Variants in UTP15 observed in about 807,000 individuals in gnomAD.
UTP15 encodes U3 small nucleolar RNA-associated protein 15 homolog.
Under a neutral mutation model 59.1 loss-of-function variants are expected in UTP15, and 5 were observed. That is an observed-to-expected ratio of 0.08 (90% CI 0.04 to 0.18). The LOEUF is 0.18. Among genes scored for constraint, UTP15 ranks in the 10% least tolerant of loss-of-function variants. The pLI is 1.00. For synonymous variants in UTP15, 211 were observed against 212.2 expected, an observed-to-expected ratio of 0.99 and a Z score of 0.05; for missense variants, 494 against 616.7, an observed-to-expected ratio of 0.80 and a Z score of 2.11.
rs200202930 is a variant in UTP15 at position 73,579,970 on chromosome 5, G to A, written c.1433G>A (p.Arg478Lys). The A allele has an allele frequency of 2.5e-6, 4 of 1,613,864 alleles. No individual in the cohort carries two copies. The East Asian group carries it at 6.7e-5, about 27-fold the overall frequency. The change falls in exon 13 of 13, where the codon AGA becomes AAA. Residue 478 changes from arginine (R) to lysine (K), a missense_variant. Coordinates refer to ENST00000296792, the MANE Select transcript of UTP15 (RefSeq NM_032175.4). Reference sequence around the variant, plus strand: ...GTAGAAAAAGAGATTGATTACCAAAGAGAATTGTTAGAAACCTTGGGGATG... The same window carrying A: ...GTAGAAAAAGAGATTGATTACCAAAAAGAATTGTTAGAAACCTTGGGGATG... ...GLVEKEIDYQ[R>K]ELLETLGMMD...
At chr5:73,575,125 G>T (rs1339875360) in intron 7 of UTP15, among the ~76,000 whole-genome samples, 1 of 152,156 alleles carries the variant, frequency 6.6e-6, no homozygotes, top group Non-Finnish European at 1.5e-5. Flanking sequence ...TGCAGATGTG[G>T]AACCTGCCAT....
Position 73,582,682 on chromosome 5 carries a change from C to T in UTP15, c.*2588C>T, listed in dbSNP as rs1748357516. 6.6e-6 allele frequency: 1 copy of T among 152,226 alleles called. No homozygotes were observed. The highest frequency in any genetic ancestry group is 2.4e-5 in the African/African-American group (1 of 41,460). The allele number at this position is 152,226 out of a possible 1,614,324, so 9.4% of individuals were successfully genotyped here. On this transcript the variant is annotated 3_prime_UTR_variant, in exon 13 of 13. Transcript: ENST00000296792. ...GGGATTAAAGGCATGAGCCACTGCG[C>T]CCAGCAGGAATGGTTATTATATTCA... is the stretch of plus-strand genomic sequence containing the variant.
At chr5:73,575,703 T>A in intron 7 of UTP15, among the ~76,000 whole-genome samples, 1 of 151,690 alleles carries the variant, frequency 6.6e-6, no homozygotes, top group African/African-American at 2.4e-5. Flanking sequence ...GGCTTTGTGA[T>A]GTGCTTTCAT....
At chr5:73,573,270 CAG>C (rs1421141291) in intron 7 of UTP15, among the ~76,000 whole-genome samples, 6 of 135,418 alleles carry the variant, frequency 4.4e-5, no homozygotes. Flanking sequence ...TTTTTTGAGA[CAG>C]AGTCTTGTTC....
At chr5:73,572,982 G>A (rs563830898) in intron 7 of UTP15, among the ~76,000 whole-genome samples, 6 of 152,006 alleles carry the variant, frequency 3.9e-5, no homozygotes, top group Non-Finnish European at 8.8e-5. Flanking sequence ...ATTTTTAGTA[G>A]AGACGGAGTT....
intron 2 of UTP15, 37 bp downstream of exon 2, chr5:73,567,471 G>A (rs748672076): frequency 1.4e-6 from 2 of 1,466,444 alleles, no homozygotes; most frequent in East Asian, 2.4e-5. Flanking sequence ...AGGGATTTGT[G>A]TTTATGCCAA....
intron 5 of UTP15, among the ~76,000 whole-genome samples, 159 bp downstream of exon 5, chr5:73,569,834 A>G (rs769062639): frequency 1.3e-5 from 2 of 152,010 alleles, no homozygotes; most frequent in African/African-American, 2.4e-5. Flanking sequence ...TTATGTATGT[A>G]TGTTTGCATT....
At chr5:73,579,668 C>T (rs1748238733) in intron 12 of UTP15, among the ~76,000 whole-genome samples, 1 of 152,012 alleles carries the variant, frequency 6.6e-6, no homozygotes, top group African/African-American at 2.4e-5. Flanking sequence ...AGGAACTCCA[C>T]CCTATACTTT....
chr5:73,567,381 C>T lies in UTP15; in HGVS notation c.37C>T (p.Pro13Ser). ...TAAGCCTGTAGCTATTCAGACATATCCTATACTTGGTGAAAAAATCACCCA... is the reference window on the plus strand; with the variant it reads ...TAAGCCTGTAGCTATTCAGACATATTCTATACTTGGTGAAAAAATCACCCA... ...GYKPVAIQTY[P>S]ILGEKITQDT... Residue 13 changes from proline to serine, a missense_variant, in exon 2 of 13, where the codon CCT becomes TCT. Physicochemically the swap from Pro to Ser is moderately conservative, Grantham distance 74 (BLOSUM62 -1). Coordinates refer to ENST00000296792, the MANE Select transcript of UTP15 (RefSeq NM_032175.4). The T allele has an allele frequency of 6.2e-7, 1 of 1,609,542 alleles. No individual in the cohort carries two copies. The highest frequency in any genetic ancestry group is 8.5e-7 in the Non-Finnish European group (1 of 1,177,688).
At chr5:73,565,979 C>A in intron 1 of UTP15, 67 bp downstream of exon 1, 2 of 436,118 alleles carry the variant, frequency 4.6e-6, no homozygotes. Flanking sequence ...GTTAATCTGG[C>A]ATGCTCTTCT....
At position 73,568,560 on chromosome 5, in the gene UTP15, T is replaced by C. The variant is rs1186911805; in HGVS notation, c.324T>C (p.Asp108=). The change falls in exon 4 of 13, where the codon GAT becomes GAC. Residue 108 remains aspartate (D), a synonymous_variant. Coordinates refer to ENST00000296792, the MANE Select transcript of UTP15 (RefSeq NM_032175.4). ...GSEDGGVQLF[D]ISGRAPLRQF... is the part of the protein sequence containing the mutation. ...AAGATGGTGGAGTTCAACTTTTTGA[T>C]ATAAGTGGGAGGGCTCCCCTCAGGC... is the stretch of plus-strand genomic sequence containing the variant. 6.2e-7 allele frequency: 1 copy of C among 1,614,074 alleles called. No homozygotes were observed. Among genetic ancestry groups the C allele is most frequent in the Non-Finnish European group, 8.5e-7 (1 of 1,179,968 alleles).
rs113724052 is a variant in UTP15, at chr5:73,581,693, C to T, written c.*1599C>T. 13 of 150,826 alleles carry T rather than the reference C, an allele frequency of 8.6e-5. No homozygotes were observed. Among genetic ancestry groups the T allele is most frequent in the African/African-American group, 2.7e-4 (11 of 41,024 alleles). 9.3% of individuals were successfully genotyped at this position (150,826 alleles called of 1,614,324 possible). ...GGGTATTAAGTAAAAATTAAATAAA[C>T]GTATTAAGTTTAACATATTAAATTA... On this transcript the variant is annotated 3_prime_UTR_variant, in exon 13 of 13. Coordinates refer to ENST00000296792, the MANE Select transcript of UTP15 (RefSeq NM_032175.4).
intron 7 of UTP15, among the ~76,000 whole-genome samples, chr5:73,573,049 G>T (rs1332240086): frequency 2.0e-5 from 3 of 152,042 alleles, no homozygotes; most frequent in Admixed American, 6.6e-5. Context: ...GCCCACCTCA[G>T]CCTCCCAAAG....
rs931414237 is a variant in UTP15 at position 73,568,340 on chromosome 5, T to G, written c.183+13T>G. On this transcript the variant is annotated intron_variant, in intron 3 of 12. Transcript: ENST00000296792. ...AGCTTCCTCAAGAGTAAGTATAATA[T>G]TAAATTTCTTTATTTTTCTTTTGTA... 1 of 1,585,952 alleles carries G rather than the reference T, an allele frequency of 6.3e-7. No individual in the cohort carries two copies. Among genetic ancestry groups the G allele is most frequent in the Non-Finnish European group, 8.6e-7 (1 of 1,168,574 alleles).
At chr5:73,569,474 T>A (rs1261087817) in intron 4 of UTP15, 23 bp from the exon 5 acceptor site, 9 of 1,481,978 alleles carry the variant, frequency 6.1e-6, no homozygotes, top group Non-Finnish European at 8.1e-6. Flanking sequence ...TGCTTTTTAA[T>A]ATACTGACCT....
In UTP15 at chr5:73,577,921, T is replaced by A; in HGVS notation, c.960T>A (p.Ser320=). 6.3e-7 allele frequency: 1 copy of A among 1,591,366 alleles called. No homozygotes were observed. The highest frequency in any genetic ancestry group is 1.4e-5 in the African/African-American group (1 of 72,988). ...NGILSVKHRK[S]EAKKESLPRR... The stretch of plus-strand genomic sequence containing the variant: ...TACTGAGTGTTAAACATCGGAAATC[T>A]GAAGCAAAGAAGGAATCACTTCCCA... Residue 320 remains serine, a synonymous_variant, in exon 9 of 13, where the codon TCT becomes TCA. Transcript: ENST00000296792.
At chr5:73,569,475 A>G in intron 4 of UTP15, 22 bp from the exon 5 acceptor site, 2 of 1,507,296 alleles carry the variant, frequency 1.3e-6, no homozygotes, top group East Asian at 4.9e-5. Flanking sequence ...GCTTTTTAAT[A>G]TACTGACCTT....
chr5:73,578,958 G>A, intron 10 of UTP15, 59 bp from the exon 11 acceptor site: 1 of 1,586,996 alleles, frequency 6.3e-7, no homozygotes, highest in East Asian at 2.2e-5. Context: ...TTTAGTGCAA[G>A]ACAGTGATTT....
chr5:73,570,510 A>G, intron 5 of UTP15, 76 bp from the exon 6 acceptor site: 1 of 1,464,884 alleles, frequency 6.8e-7, no homozygotes, highest in South Asian at 1.3e-5. Flanking sequence ...TTTTCCTTTT[A>G]AAATTTATAT....
Sources: allele counts gnomAD v4.1 joint callset (sites outside exome capture counted in the v4.1 genomes callset), GRCh38; gene constraint gnomAD v4.1.1; transcripts MANE v1.5; gene names NCBI Gene and HGNC (gene_info 2026-07-23, HGNC 2026-07-21).